EPHB1: variants seen among roughly 807,000 people sequenced by gnomAD.
EPHB1 encodes the protein EPH receptor B1.
Under a neutral mutation model 94.4 loss-of-function variants are expected in EPHB1, and 30 were observed. The observed-to-expected ratio is 0.32, with a 90% CI of 0.24 to 0.43. The LOEUF is 0.43. Among genes scored for constraint, EPHB1 ranks in the 20% least tolerant of loss-of-function variants. The probability of loss-of-function intolerance (pLI) is 1.00; values close to 1 mark genes in which losing one functional copy is unlikely to be tolerated. For missense variants in EPHB1, 1,055 were observed against 1,308.3 expected (o/e 0.81, Z 2.99); for synonymous variants, 522 against 489.1 (o/e 1.07, Z -0.89).
At chr3:135,168,647 G>A (rs567225570) in intron 9 of EPHB1, among the ~76,000 whole-genome samples, 41 of 152,264 alleles carry the variant, frequency 2.7e-4, no homozygotes, top group African/African-American at 7.2e-4. Flanking sequence ...CCTCAAGGGC[G>A]ACCTTCGTCT....
At chr3:134,886,964 T>C (rs1294673291) in intron 1 of EPHB1, among the ~76,000 whole-genome samples, 1 of 151,806 alleles carries the variant, frequency 6.6e-6, no homozygotes, top group Non-Finnish European at 1.5e-5. Context: ...AATAGGGAAA[T>C]AGGAAAAAAA....
chr3:134,948,746 G>A (rs751841639), intron 2 of EPHB1, among the ~76,000 whole-genome samples: 4 of 152,256 alleles, frequency 2.6e-5, no homozygotes, highest in Non-Finnish European at 2.9e-5. Context: ...CTGTGGATGC[G>A]CCACTCCAGC....
chr3:135,101,392 G>C (rs1276194850), intron 3 of EPHB1, among the ~76,000 whole-genome samples: 1 of 147,214 alleles, frequency 6.8e-6, no homozygotes, highest in African/African-American at 2.5e-5. Flanking sequence ...TTTTTTTAAT[G>C]CGACACAGTC....
At chr3:134,908,548 A>G (rs528685926) in intron 1 of EPHB1, among the ~76,000 whole-genome samples, 63 of 152,106 alleles carry the variant, frequency 4.1e-4, no homozygotes, top group Non-Finnish European at 6.8e-4. Flanking sequence ...GTCTGGCCCA[A>G]CTCTCCACAG....
At chr3:135,042,107 C>CT (rs1163004553) in intron 3 of EPHB1, among the ~76,000 whole-genome samples, 3 of 152,164 alleles carry the variant, frequency 2.0e-5, no homozygotes, top group East Asian at 3.9e-4. Context: ...TTTTAAATAT[C>CT]TTTTTGTAGA....
chr3:134,848,451 G>T (rs1379917825), intron 1 of EPHB1, among the ~76,000 whole-genome samples: 1 of 152,160 alleles, frequency 6.6e-6, no homozygotes, highest in Non-Finnish European at 1.5e-5. Flanking sequence ...TGCTGATTAG[G>T]ATAATAAAAT....
intron 3 of EPHB1, among the ~76,000 whole-genome samples, chr3:135,077,207 C>T (rs370858825): frequency 7.9e-5 from 12 of 152,136 alleles, no homozygotes; most frequent in South Asian, 6.2e-4. Context: ...CTTTGGACCC[C>T]GTGGGACAAG....
At chr3:135,256,252 T>C (rs1338591369) in intron 15 of EPHB1, among the ~76,000 whole-genome samples, 19 of 152,288 alleles carry the variant, frequency 1.2e-4, no homozygotes, top group East Asian at 9.7e-4. Flanking sequence ...TGAATTTGAT[T>C]CTGTCATTAT....
intron 3 of EPHB1, among the ~76,000 whole-genome samples, chr3:135,032,648 C>A (rs529930725): frequency 4.6e-4 from 70 of 152,186 alleles, no homozygotes; most frequent in Non-Finnish European, 7.6e-4. Context: ...TGAATGGGTG[C>A]CATTGTTGGG....
At chr3:134,879,822 AT>A (rs1260635161) in intron 1 of EPHB1, among the ~76,000 whole-genome samples, 1 of 144,856 alleles carries the variant, frequency 6.9e-6, no homozygotes, top group African/African-American at 2.6e-5. Context: ...GCAAAATCAA[AT>A]TAAAAAAAAG....
chr3:134,890,282 T>G (rs950787607), intron 1 of EPHB1, among the ~76,000 whole-genome samples: 1 of 152,272 alleles, frequency 6.6e-6, no homozygotes, highest in Non-Finnish European at 1.5e-5. Context: ...ATATGCTTTT[T>G]TCTGAATCAT....
At chr3:135,053,013 A>G (rs1456743994) in intron 3 of EPHB1, among the ~76,000 whole-genome samples, 4 of 71,704 alleles carry the variant, frequency 5.6e-5, no homozygotes, top group Non-Finnish European at 9.7e-5. Flanking sequence ...GTGTATATAT[A>G]TGTGTGTGTG....
chr3:135,179,926 A>T lies in EPHB1; in HGVS notation c.1826A>T (p.Glu609Val), dbSNP rs1192647538. 6.2e-7 allele frequency: 1 copy of T among 1,613,950 alleles called. No homozygotes were observed. Among genetic ancestry groups the T allele is most frequent in the Non-Finnish European group, 8.5e-7 (1 of 1,179,858 alleles). Residue 609 changes from glutamate to valine, a missense_variant, in exon 10 of 16, where the codon GAG becomes GTG. Glu to Val is a moderately radical substitution (Grantham distance 121). Transcript: ENST00000398015. Reference protein sequence around the residue: ...TYEDPNEAVREFAKEIDVSFV... With the variant: ...TYEDPNEAVRVFAKEIDVSFV... ...GAGGATCCCAACGAAGCTGTCCGGG[A>T]GTTTGCCAAGGAGATTGATGTATCT...
chr3:135,075,488 C>T (rs1008048189), intron 3 of EPHB1, among the ~76,000 whole-genome samples: 5 of 152,184 alleles, frequency 3.3e-5, no homozygotes, highest in Admixed American at 3.3e-4. Flanking sequence ...GCCTTTTGAC[C>T]TGTTGCTCCC....
At chr3:134,979,926 G>C (rs575223076) in intron 3 of EPHB1, among the ~76,000 whole-genome samples, 3 of 152,228 alleles carry the variant, frequency 2.0e-5, no homozygotes, top group Admixed American at 6.5e-5. Flanking sequence ...TGTTGTTGTT[G>C]TTACTTTGCG....
chr3:135,170,177 CTACAG>C (rs1941765973), intron 9 of EPHB1, among the ~76,000 whole-genome samples: 1 of 152,206 alleles, frequency 6.6e-6, no homozygotes, highest in African/African-American at 2.4e-5. Context: ...GCACAGGACA[CTACAG>C]AGAGGCTGGC....
At chr3:135,102,270 T>C (rs934353973) in intron 3 of EPHB1, among the ~76,000 whole-genome samples, 1 of 152,202 alleles carries the variant, frequency 6.6e-6, no homozygotes, top group Non-Finnish European at 1.5e-5. Flanking sequence ...TCCACCACTC[T>C]GCACTGTGTG....
At chr3:135,043,825 T>C (rs1459147681) in intron 3 of EPHB1, among the ~76,000 whole-genome samples, 1 of 152,202 alleles carries the variant, frequency 6.6e-6, no homozygotes, top group Non-Finnish European at 1.5e-5. Context: ...GGACAGAAGC[T>C]GACCTGCCTA....
chr3:135,174,245 G>A (rs1412235221), intron 9 of EPHB1, among the ~76,000 whole-genome samples: 1 of 152,060 alleles, frequency 6.6e-6, no homozygotes, highest in Non-Finnish European at 1.5e-5. Flanking sequence ...CAATCCTAAT[G>A]CCTCTGTTTG....
Sources: gnomAD v4.1 joint callset for allele counts (sites outside exome capture counted in the v4.1 genomes callset) on GRCh38, gnomAD v4.1.1 for gene constraint, MANE v1.5 for transcripts, NCBI Gene and HGNC (gene_info 2026-07-23, HGNC 2026-07-21) for gene names.